The following KIAA1671 variants were observed in gnomAD, a reference collection of about 807,000 sequenced individuals.
KIAA1671 encodes the protein uncharacterized protein KIAA1671.
A neutral mutation model predicts 131.2 loss-of-function variants in KIAA1671; 52 were observed. The ratio of observed to expected loss-of-function variants is 0.40; its 90% CI spans 0.32 to 0.50. The LOEUF is 0.50. Among genes scored for constraint, KIAA1671 ranks in the 20% least tolerant of loss-of-function variants. The probability of loss-of-function intolerance (pLI) is 0.73; values close to 1 mark genes in which losing one functional copy is unlikely to be tolerated. For synonymous variants in KIAA1671, 1,003 were observed against 961.6 expected (o/e 1.04, Z -0.80); for missense variants, 2,360 against 2,364.2 (o/e 1.00, Z 0.04).
intron 6 of KIAA1671, among the ~76,000 whole-genome samples, chr22:25,077,695 G>A (rs2008266): frequency 0.13 from 19,254 of 152,178 alleles, 1,273 homozygotes; most frequent in South Asian, 0.19. Context: ...TCCATGCCTT[G>A]GTCTCCCTGG....
chr22:25,117,817 A>AGT, intron 6 of KIAA1671, among the ~76,000 whole-genome samples: 1 of 152,162 alleles, frequency 6.6e-6, no homozygotes, highest in South Asian at 2.1e-4. Flanking sequence ...CATCTCTCAC[A>AGT]GTTCCGGAGT....
intron 6 of KIAA1671, among the ~76,000 whole-genome samples, chr22:25,147,255 C>T (rs1932898889): frequency 6.6e-6 from 1 of 151,022 alleles, no homozygotes; most frequent in South Asian, 2.1e-4. Flanking sequence ...TGCAGTGGTG[C>T]AGTCTTGGCT....
chr22:25,022,932 G>C (rs1374033214), intron 1 of KIAA1671: 1 of 152,484 alleles, frequency 6.6e-6, no homozygotes, highest in African/African-American at 2.4e-5. Context: ...GAGGCCGGGC[G>C]CGGTGGCTCA....
chr22:25,000,982 C>CT lies in KIAA1671; in HGVS notation c.-207-24643dup, dbSNP rs541099463. On this transcript the variant is annotated intron_variant, in intron 1 of 12. Transcript: ENST00000358431. The stretch of plus-strand genomic sequence containing the variant: ...TTTCCCGATGACCAGTGAAGTTGAA[C>CT]TTTTTTTTCATGTGCTTATTGGTCA... Among the ~76,000 whole-genome samples, 23 of 151,652 alleles carry CT rather than the reference C, an allele frequency of 1.5e-4. No individual in the cohort carries two copies. In the South Asian group the frequency reaches 2.1e-3, roughly 14 times the overall value.
intron 7 of KIAA1671, among the ~76,000 whole-genome samples, chr22:25,173,795 A>C (rs1027490529): frequency 2.0e-5 from 3 of 152,242 alleles, no homozygotes; most frequent in Non-Finnish European, 4.4e-5. Flanking sequence ...ATTAACATGA[A>C]AAGTTATTAG....
intron 6 of KIAA1671, among the ~76,000 whole-genome samples, chr22:25,096,696 G>A (rs918774097): frequency 5.3e-5 from 8 of 152,096 alleles, no homozygotes; most frequent in Non-Finnish European, 1.0e-4. Flanking sequence ...GTGTATTCCC[G>A]TGGAACCGTC....
At chr22:25,117,585 C>CCACACACA (rs4049524) in intron 6 of KIAA1671, among the ~76,000 whole-genome samples, 5,645 of 123,812 alleles carry the variant, frequency 0.046, 196 homozygotes, top group African/African-American at 0.059. Flanking sequence ...TCTCCCCCAA[C>CCACACACA]CACACACACA....
chr22:25,021,543 G>A (rs1473491992), intron 1 of KIAA1671, among the ~76,000 whole-genome samples: 3 of 82,008 alleles, frequency 3.7e-5, no homozygotes, highest in African/African-American at 5.0e-5. Flanking sequence ...TATTTGTTTT[G>A]TTCACTGCTG....
intron 6 of KIAA1671, among the ~76,000 whole-genome samples, chr22:25,116,582 C>T (rs755177184): frequency 6.6e-6 from 1 of 151,558 alleles, no homozygotes; most frequent in African/African-American, 2.4e-5. Context: ...CCACCACACC[C>T]GGCTAATTTT....
At position 25,039,849 on chromosome 22, in the gene KIAA1671, G is replaced by A; in HGVS notation, c.2719G>A (p.Ala907Thr). ...AGCACGAACACATCCAGATGCATTT[G>A]CTGTGCAGAAAGGGCCCTTCATTGT... ...SQARTHPDAF[A>T]VQKGPFIVAA... The change falls in exon 5 of 13, where the codon GCT (alanine) becomes ACT (threonine). Residue 907 changes from alanine to threonine, a missense_variant. Around this residue, in one of 3 missense-constraint regions of KIAA1671, gnomAD observed 1,161 missense variants for 1,204.7 expected, o/e 0.96. Coordinates refer to ENST00000358431, the MANE Select transcript of KIAA1671 (RefSeq NM_001145206.2). 3.2e-6 allele frequency: 5 copies of A among 1,550,092 alleles called. No homozygotes were observed. The highest frequency in any genetic ancestry group is 4.4e-6 in the Non-Finnish European group (5 of 1,146,198).
chr22:25,007,341 A>G (rs1450852048), intron 1 of KIAA1671, among the ~76,000 whole-genome samples: 2 of 151,446 alleles, frequency 1.3e-5, no homozygotes, highest in African/African-American at 2.4e-5. Flanking sequence ...TAAAAATTAG[A>G]TGGGCATGGT....
At chr22:25,102,337 GT>G (rs1930729656) in intron 6 of KIAA1671, 1 of 150,782 alleles carries the variant, frequency 6.6e-6, no homozygotes. Flanking sequence ...GTCCCTGCTG[GT>G]GTCTTGATTC....
intron 6 of KIAA1671, among the ~76,000 whole-genome samples, chr22:25,138,639 A>G (rs546712095): frequency 1.3e-5 from 2 of 152,342 alleles, no homozygotes; most frequent in East Asian, 1.9e-4. Flanking sequence ...TGATTTTGAT[A>G]TATTCATTCA....
chr22:25,077,943 C>G (rs763655691), intron 6 of KIAA1671, among the ~76,000 whole-genome samples: 1 of 152,166 alleles, frequency 6.6e-6, no homozygotes, highest in Non-Finnish European at 1.5e-5. Flanking sequence ...TCCTCTTTGA[C>G]GCTAAGTGCC....
chr22:25,017,698 C>T (rs1400329854), intron 1 of KIAA1671, among the ~76,000 whole-genome samples: 4 of 152,308 alleles, frequency 2.6e-5, no homozygotes, highest in Admixed American at 1.3e-4. Flanking sequence ...TTGCCCAAAC[C>T]TAGACATCTT....
intron 1 of KIAA1671, among the ~76,000 whole-genome samples, chr22:24,977,296 AC>A (rs930475254): frequency 2.6e-5 from 4 of 152,084 alleles, no homozygotes; most frequent in African/African-American, 9.7e-5. Context: ...GGATAATGTG[AC>A]CCTTTAAAGG....
chr22:25,000,777 G>A (rs541873193), intron 1 of KIAA1671, among the ~76,000 whole-genome samples: 6 of 151,472 alleles, frequency 4.0e-5, no homozygotes, highest in Non-Finnish European at 7.4e-5. Flanking sequence ...CTCGGCCTCC[G>A]GAAGTGCAAG....
chr22:25,180,750 C>T (rs1160069730), intron 9 of KIAA1671, among the ~76,000 whole-genome samples: 1 of 152,172 alleles, frequency 6.6e-6, no homozygotes, highest in African/African-American at 2.4e-5. Context: ...TAAAGAAATG[C>T]TTGGAGAGTT....
intron 1 of KIAA1671, among the ~76,000 whole-genome samples, chr22:24,982,545 G>A (rs1311060351): frequency 6.6e-6 from 1 of 152,250 alleles, no homozygotes; most frequent in African/African-American, 2.4e-5. Flanking sequence ...CCAGGTGGGT[G>A]CAGGGTTGTG....
Sources: gnomAD v4.1 joint callset for allele counts (sites outside exome capture counted in the v4.1 genomes callset) on GRCh38, gnomAD v4.1.1 for gene constraint, gnomAD v4.1.1 regional missense constraint, MANE v1.5 for transcripts, NCBI Gene and HGNC (gene_info 2026-07-23, HGNC 2026-07-21) for gene names.